Variants in CTNNA3 observed in about 807,000 individuals in gnomAD.
CTNNA3 encodes the protein catenin alpha 3.
CTNNA3 carries 76 observed loss-of-function variants against 95.7 expected under a neutral mutation model. The observed-to-expected ratio is 0.79, with a 90% CI of 0.66 to 0.96. The LOEUF (loss-of-function observed/expected upper bound fraction) is 0.96, where lower values mean the gene tolerates loss of function less well. Ranked by LOEUF, CTNNA3 falls within the 40% of genes least tolerant of loss-of-function variation. CTNNA3 has a pLI of 0.00. For synonymous variants in CTNNA3, 431 were observed against 374.4 expected (o/e 1.15, Z -1.74); for missense variants, 1,191 against 1,089.8 (o/e 1.09, Z -1.31).
Position 66,713,029 on chromosome 10 carries a change from G to T in CTNNA3, c.1281+53235C>A, listed in dbSNP as rs116815292. Among the ~76,000 whole-genome samples the T allele has an allele frequency of 3.1e-3, 473 of 151,832 alleles. 5 individuals are homozygous for T. The highest frequency in any genetic ancestry group is 0.011 in the African/African-American group (438 of 41,198). On this transcript the variant is annotated intron_variant, in intron 9 of 17. Coordinates refer to ENST00000433211, the MANE Select transcript of CTNNA3 (RefSeq NM_013266.4). The stretch of plus-strand genomic sequence containing the variant: ...ACTAGTATACTAAGACCTTAAGTAA[G>T]GGGTCCTCTTATGCTCTAGGGACTT...
At chr10:66,639,179 G>A (rs1215738672) in intron 9 of CTNNA3, among the ~76,000 whole-genome samples, 1 of 141,470 alleles carries the variant, frequency 7.1e-6, no homozygotes, top group Non-Finnish European at 1.5e-5. Flanking sequence ...AGCCTCAAAG[G>A]CTATGGTACA....
At chr10:66,382,940 T>A (rs2092854138) in intron 11 of CTNNA3, among the ~76,000 whole-genome samples, 1 of 152,016 alleles carries the variant, frequency 6.6e-6, no homozygotes, top group Non-Finnish European at 1.5e-5. Context: ...CATCTGTAGG[T>A]CACCAACATC....
At chr10:66,775,624 A>C (rs2132822464) in intron 7 of CTNNA3, 100 bp from the exon 8 acceptor site, 1 of 798,266 alleles carries the variant, frequency 1.3e-6, no homozygotes, top group African/African-American at 1.7e-5. Context: ...CTTGAAATTC[A>C]AGAATAGGTT....
rs189822092 is a variant in CTNNA3, at chr10:66,543,187, G to C, written c.1375-22414C>G. ...CACTGCAATCAATCCCTGCCTCCCA[G>C]GTTCAAGCAATTCTCCTGTCTCAGC... is the stretch of plus-strand genomic sequence containing the variant. On this transcript the variant is annotated intron_variant, in intron 10 of 17. Coordinates refer to ENST00000433211, the MANE Select transcript of CTNNA3 (RefSeq NM_013266.4). 5.4e-4 allele frequency among the ~76,000 whole-genome samples: 82 copies of C among 152,154 alleles called. 1 individual carries two copies. The highest frequency in any genetic ancestry group is 2.0e-3 in the African/African-American group (82 of 41,510).
chr10:66,259,859 A>T (rs1328330476), intron 13 of CTNNA3, among the ~76,000 whole-genome samples: 1 of 152,180 alleles, frequency 6.6e-6, no homozygotes, highest in East Asian at 1.9e-4. Context: ...GTTGACTCCA[A>T]GTCTCTATAT....
intron 5 of CTNNA3, among the ~76,000 whole-genome samples, chr10:67,323,575 T>A (rs1841415775): frequency 6.6e-6 from 1 of 152,332 alleles, no homozygotes; most frequent in East Asian, 1.9e-4. Context: ...CTGGTCTATG[T>A]GTCTGTTCTT....
intron 1 of CTNNA3, chr10:67,750,515 A>C: frequency 6.4e-7 from 1 of 1,571,968 alleles, no homozygotes; most frequent in Non-Finnish European, 8.8e-7. Flanking sequence ...CATCATCAAC[A>C]AGTTGTGGCC....
At chr10:67,663,316 ATTTCT>A (rs200784553) in intron 1 of CTNNA3, among the ~76,000 whole-genome samples, 2,781 of 151,798 alleles carry the variant, frequency 0.018, 87 homozygotes, top group African/African-American at 0.064. Context: ...TTAAAAAAAA[ATTTCT>A]TTTTATTTTT....
chr10:67,379,598 G>C (rs1843838805), intron 5 of CTNNA3, among the ~76,000 whole-genome samples: 1 of 152,016 alleles, frequency 6.6e-6, no homozygotes. Flanking sequence ...AAAGGCTCTT[G>C]GTAATTTTTT....
chr10:67,711,343 A>C (rs1205862502), intron 1 of CTNNA3, among the ~76,000 whole-genome samples: 1 of 152,170 alleles, frequency 6.6e-6, no homozygotes, highest in Non-Finnish European at 1.5e-5. Flanking sequence ...AAATAAGGGA[A>C]AGTTTGGAAC....
intron 7 of CTNNA3, among the ~76,000 whole-genome samples, chr10:67,035,949 C>A (rs1196006984): frequency 1.3e-5 from 2 of 152,120 alleles, no homozygotes; most frequent in African/African-American, 4.8e-5. Context: ...AACTAGACAA[C>A]TTTTCTTGCT....
At chr10:67,732,619 T>G (rs1352937919) in intron 1 of CTNNA3, among the ~76,000 whole-genome samples, 1 of 152,190 alleles carries the variant, frequency 6.6e-6, no homozygotes, top group East Asian at 1.9e-4. Context: ...TCACTACATA[T>G]TTAGTTGAAT....
At chr10:67,595,277 A>C (rs528103329) in intron 3 of CTNNA3, among the ~76,000 whole-genome samples, 15 of 152,280 alleles carry the variant, frequency 9.9e-5, no homozygotes, top group African/African-American at 3.6e-4. Flanking sequence ...ATTTGGTGCT[A>C]TAAACTTTCC....
At chr10:66,449,670 G>A (rs1469001346) in intron 11 of CTNNA3, among the ~76,000 whole-genome samples, 2 of 151,804 alleles carry the variant, frequency 1.3e-5, no homozygotes, top group African/African-American at 2.4e-5. Context: ...ATTACCAAAG[G>A]GCACTCATCC....
chr10:66,614,261 AAAG>A (rs1316256456), intron 10 of CTNNA3, among the ~76,000 whole-genome samples: 4 of 152,092 alleles, frequency 2.6e-5, no homozygotes, highest in Admixed American at 2.6e-4. Context: ...CCCAGAAAAC[AAAG>A]AAGGAAGGGG....
At position 66,787,313 on chromosome 10, in the gene CTNNA3, T is replaced by C. The variant is rs183652091; in HGVS notation, c.1048-11789A>G. Among the ~76,000 whole-genome samples the C allele has an allele frequency of 2.0e-3, 295 of 150,828 alleles. 1 individual carries two copies. The highest frequency in any genetic ancestry group is 4.6e-3 in the Admixed American group (69 of 15,144). On this transcript the variant is annotated intron_variant, in intron 7 of 17. Coordinates refer to ENST00000433211, the MANE Select transcript of CTNNA3 (RefSeq NM_013266.4). Reference sequence around the variant, plus strand: ...GGTGGTGTTCATTGCCTCTCGGTGGTATTTCCCTACAGGAAAGAGCATTTT... The same window carrying C: ...GGTGGTGTTCATTGCCTCTCGGTGGCATTTCCCTACAGGAAAGAGCATTTT...
chr10:67,006,193 C>T (rs1275636561), intron 7 of CTNNA3, among the ~76,000 whole-genome samples: 2 of 152,174 alleles, frequency 1.3e-5, no homozygotes, highest in East Asian at 3.9e-4. Flanking sequence ...CACAAAGTCA[C>T]AGAGACAGGA....
intron 7 of CTNNA3, among the ~76,000 whole-genome samples, chr10:66,965,147 G>A (rs1400994072): frequency 6.6e-6 from 1 of 152,082 alleles, no homozygotes; most frequent in Non-Finnish European, 1.5e-5. Flanking sequence ...AAGACAGCTG[G>A]GAGCCACGGT....
At chr10:66,115,715 C>T (rs1405855052) in intron 13 of CTNNA3, among the ~76,000 whole-genome samples, 1 of 152,162 alleles carries the variant, frequency 6.6e-6, no homozygotes, top group African/African-American at 2.4e-5. Context: ...TAACCAAATT[C>T]ATCTGGTTAC....
Sources: gnomAD v4.1 joint callset for allele counts (sites outside exome capture counted in the v4.1 genomes callset) on GRCh38, gnomAD v4.1.1 for gene constraint, MANE v1.5 for transcripts, NCBI Gene and HGNC (gene_info 2026-07-23, HGNC 2026-07-21) for gene names.